ARID1A: variants seen among roughly 807,000 people sequenced by gnomAD.
ARID1A encodes AT-rich interaction domain 1A.
Under a neutral mutation model 212.6 loss-of-function variants are expected in ARID1A, and 20 were observed. The observed-to-expected ratio is 0.09, with a 90% CI of 0.07 to 0.14. The LOEUF is 0.14. Ranked by LOEUF, ARID1A falls within the 10% of genes least tolerant of loss-of-function variation. The pLI is 1.00. For synonymous variants in ARID1A, 1,376 were observed against 1,222.1 expected, an observed-to-expected ratio of 1.13 and a Z score of -2.63; for missense variants, 2,587 against 3,059.0, an observed-to-expected ratio of 0.85 and a Z score of 3.64.
Position 26,696,668 on chromosome 1 carries a change from G to GGCA in ARID1A, c.268_270dup (p.Ser90dup). 1 of 1,320,920 alleles carries GGCA rather than the reference G, an allele frequency of 7.6e-7. No individual in the cohort carries two copies. The highest frequency in any genetic ancestry group is 9.6e-7 in the Non-Finnish European group (1 of 1,037,424). 81.8% of individuals were successfully genotyped at this position (1,320,920 alleles called of 1,614,324 possible). A position where few individuals can be genotyped will look rare whatever the true frequency, so the allele number is the denominator to read the frequency against. On this transcript the variant is annotated inframe_insertion, in exon 1 of 20. Transcript: ENST00000324856. ...TGGGGGTGGCGGCGGCGGCGGAGCC[G>GGCA]GCAGCGGCGGCGGGCCCGGCGCGGA...
intron 1 of ARID1A, among the ~76,000 whole-genome samples, chr1:26,712,761 G>A (rs963417329): frequency 6.6e-6 from 1 of 152,210 alleles, no homozygotes; most frequent in African/African-American, 2.4e-5. Flanking sequence ...CAGTGAATGA[G>A]GACTCTCTGA....
chr1:26,726,451 A>T (rs1200671468), intron 1 of ARID1A, among the ~76,000 whole-genome samples: 1 of 152,182 alleles, frequency 6.6e-6, no homozygotes, highest in Non-Finnish European at 1.5e-5. Context: ...CTGGGATTAC[A>T]GGCGTGAGAC....
At chr1:26,775,536 A>C (rs1215680747) in intron 18 of ARID1A, 41 bp from the exon 19 acceptor site, 1 of 1,611,612 alleles carries the variant, frequency 6.2e-7, no homozygotes, top group Non-Finnish European at 8.5e-7. Context: ...CCTCCAGCCA[A>C]CCTGGGCTTG....
intron 1 of ARID1A, among the ~76,000 whole-genome samples, chr1:26,724,236 G>A (rs1272928795): frequency 6.6e-6 from 1 of 152,172 alleles, no homozygotes; most frequent in African/African-American, 2.4e-5. Flanking sequence ...GATAAAATGA[G>A]TAGTGGTCAA....
At chr1:26,768,266 G>T (rs2081055569) in intron 11 of ARID1A, among the ~76,000 whole-genome samples, 1 of 152,124 alleles carries the variant, frequency 6.6e-6, no homozygotes, top group Non-Finnish European at 1.5e-5. Context: ...AAAGTCTGTG[G>T]GCATTCTGAT....
chr1:26,738,545 A>G (rs908049250), intron 4 of ARID1A, among the ~76,000 whole-genome samples: 3 of 152,010 alleles, frequency 2.0e-5, no homozygotes, highest in African/African-American at 7.2e-5. Context: ...TCATTCAGGA[A>G]GTATACATCT....
At chr1:26,744,377 T>G (rs77216962) in intron 4 of ARID1A, among the ~76,000 whole-genome samples, 1 of 152,212 alleles carries the variant, frequency 6.6e-6, no homozygotes, top group Non-Finnish European at 1.5e-5. Flanking sequence ...ACCTTTTGTT[T>G]CCTTCGGAAC....
rs141181471 is a variant in ARID1A, at chr1:26,718,466, G to A, written c.1138-11185G>A. Among the ~76,000 whole-genome samples, 370 of 152,306 alleles carry A rather than the reference G, an allele frequency of 2.4e-3. 1 individual carries two copies. Among genetic ancestry groups the A allele is most frequent in the African/African-American group, 8.4e-3 (348 of 41,560 alleles). ...ATATCTTCCAAGACCCCCAGTGGGT[G>A]CCTGAAAGTACCAGACCCTATATGT... On this transcript the variant is annotated intron_variant, in intron 1 of 19. Transcript: ENST00000324856.
intron 10 of ARID1A, among the ~76,000 whole-genome samples, chr1:26,767,575 G>A (rs2081050109): frequency 6.6e-6 from 1 of 152,154 alleles, no homozygotes; most frequent in Non-Finnish European, 1.5e-5. Context: ...ACAGCACCCA[G>A]TACATAACAT....
intron 4 of ARID1A, among the ~76,000 whole-genome samples, chr1:26,733,526 A>G (rs1357325584): frequency 6.6e-6 from 1 of 152,156 alleles, no homozygotes; most frequent in Non-Finnish European, 1.5e-5. Context: ...AGCCTTTGTA[A>G]TCATCGCCTC....
rs1196086542 is a variant in ARID1A at position 26,772,603 on chromosome 1, C to T, written c.3510C>T (p.His1170=). 1.2e-6 allele frequency: 2 copies of T among 1,614,098 alleles called. No individual in the cohort carries two copies. Among genetic ancestry groups the T allele is most frequent in the Non-Finnish European group, 1.7e-6 (2 of 1,180,054 alleles). The part of the protein sequence containing the change: ...LKPPTPASTP[H]SQIPPLPGMS... Reference sequence around the variant, plus strand: ...CACCAACTCCAGCATCCACACCACACAGTCAGATCCCCCCATTGCCAGGCA... The same window carrying T: ...CACCAACTCCAGCATCCACACCACATAGTCAGATCCCCCCATTGCCAGGCA... The change falls in exon 13 of 20, where the codon CAC becomes CAT. Residue 1170 remains histidine, a synonymous_variant. Coordinates refer to ENST00000324856, the MANE Select transcript of ARID1A (RefSeq NM_006015.6).
At chr1:26,709,773 C>T (rs2080432191) in intron 1 of ARID1A, among the ~76,000 whole-genome samples, 1 of 151,666 alleles carries the variant, frequency 6.6e-6, no homozygotes, top group Non-Finnish European at 1.5e-5. Flanking sequence ...CTTCCTCAGC[C>T]TCCCAAGTAG....
Position 26,708,265 on chromosome 1 carries a change from A to C in ARID1A, c.1137+10725A>C, listed in dbSNP as rs1393959282. ...TTCAGCCTTTAAGATACAGTCCTTC[A>C]CTTTTTTTTTTTTTTTTTTTTTTTT... On this transcript the variant is annotated intron_variant, in intron 1 of 19. Coordinates refer to ENST00000324856, the MANE Select transcript of ARID1A (RefSeq NM_006015.6). Among the ~76,000 whole-genome samples, 250 of 31,664 alleles carry C rather than the reference A, an allele frequency of 7.9e-3. 2 individuals carry two copies. Among genetic ancestry groups the C allele is most frequent in the Middle Eastern group, 0.033 (1 of 30 alleles). 20.8% of individuals were successfully genotyped at this position (31,664 alleles called of 152,430 possible).
At chr1:26,762,030 T>G in intron 6 of ARID1A, 122 bp from the exon 7 acceptor site, 1 of 1,142,734 alleles carries the variant, frequency 8.8e-7, no homozygotes, top group Non-Finnish European at 1.2e-6. Flanking sequence ...GAAAATCAGA[T>G]AGAGACTCCA....
At chr1:26,704,767 G>A (rs940446319) in intron 1 of ARID1A, among the ~76,000 whole-genome samples, 10 of 151,888 alleles carry the variant, frequency 6.6e-5, no homozygotes, top group Admixed American at 2.0e-4. Flanking sequence ...GCTGAGGCAG[G>A]AGGATTGCTT....
At chr1:26,728,422 TTTG>T (rs2080639476) in intron 1 of ARID1A, among the ~76,000 whole-genome samples, 1 of 152,176 alleles carries the variant, frequency 6.6e-6, no homozygotes, top group African/African-American at 2.4e-5. Context: ...TTTTGGAGGT[TTTG>T]TTGTTGTTTA....
intron 19 of ARID1A, among the ~76,000 whole-genome samples, chr1:26,777,381 C>T (rs184898093): frequency 2.0e-5 from 3 of 150,814 alleles, no homozygotes; most frequent in Non-Finnish European, 2.9e-5. Context: ...CAAACATGCT[C>T]ATGCTCAGCT....
chr1:26,734,793 C>T (rs2080713606), intron 4 of ARID1A, among the ~76,000 whole-genome samples: 1 of 152,158 alleles, frequency 6.6e-6, no homozygotes, highest in African/African-American at 2.4e-5. Flanking sequence ...CTTAACCAGT[C>T]GTGTTAAAGG....
In ARID1A at chr1:26,696,118, A is replaced by C; in HGVS notation, c.-286A>C. 3.4e-5 allele frequency: 15 copies of C among 445,152 alleles called. No individual in the cohort carries two copies. The highest frequency in any genetic ancestry group is 6.4e-5 in the East Asian group (1 of 15,736). 27.6% of individuals were successfully genotyped at this position (445,152 alleles called of 1,614,324 possible). The stretch of plus-strand genomic sequence containing the variant: ...ATTCCCAGGCAAGGGCTTGGGGGGA[A>C]TGAGCCGGGAGAGCCGGGTCCCGAG... On this transcript the variant is annotated 5_prime_UTR_variant, in exon 1 of 20. An upstream start codon of the reference 5' UTR is lost. Transcript: ENST00000324856.
Sources: allele counts gnomAD v4.1 joint callset (sites outside exome capture counted in the v4.1 genomes callset), GRCh38; gene constraint gnomAD v4.1.1; transcripts MANE v1.5; gene names NCBI Gene and HGNC (gene_info 2026-07-23, HGNC 2026-07-21).